JAK1: variants seen among roughly 807,000 people sequenced by gnomAD.
The protein encoded by JAK1 is tyrosine-protein kinase JAK1.
A neutral mutation model predicts 136.6 loss-of-function variants in JAK1; 16 were observed. That is an observed-to-expected ratio of 0.12 (90% CI 0.08 to 0.18). The LOEUF (loss-of-function observed/expected upper bound fraction) is 0.18. JAK1 is among the 10% of genes least tolerant of loss of function. The pLI, the probability that JAK1 is intolerant of heterozygous loss-of-function variation, is 1.00. For synonymous variants in JAK1, 492 were observed against 519.5 expected (o/e 0.95, Z 0.72); for missense variants, 859 against 1,450.1 (o/e 0.59, Z 6.62).
At chr1:64,842,485 G>A (rs1240984066) in intron 17 of JAK1, among the ~76,000 whole-genome samples, 3 of 152,100 alleles carry the variant, frequency 2.0e-5, no homozygotes, top group African/African-American at 7.2e-5. Flanking sequence ...AGGCCCCAGA[G>A]GACAGGGAGG....
chr1:64,844,081 C>G lies in JAK1; in HGVS notation c.2386G>C (p.Asp796His). 6.2e-7 allele frequency: 1 copy of G among 1,614,156 alleles called. No individual in the cohort carries two copies. The highest frequency in any genetic ancestry group is 8.5e-7 in the Non-Finnish European group (1 of 1,180,022). Residue 796 changes from aspartate (D) to histidine (H), a missense_variant, in exon 17 of 25, where the codon GAC (aspartate) becomes CAC (histidine). Physicochemically the swap from Asp to His is moderately conservative, Grantham distance 81 (BLOSUM62 -1). Transcript: ENST00000342505. This position sits in a 1 kb window ranked among gnomAD's most constrained non-coding sequence, Gnocchi z 5.7. ...ICYNGEIPLK[D>H]KTLIEKERFY... is the part of the protein sequence containing the mutation. ...CTGCTCACCTCAATCAGCGTCTTGT[C>G]TTTCAAGGGGATCTCGCCATTGTAG...
chr1:64,842,987 T>G (rs920796752), intron 17 of JAK1, among the ~76,000 whole-genome samples: 27 of 152,012 alleles, frequency 1.8e-4, no homozygotes, highest in African/African-American at 5.8e-4. Flanking sequence ...GGCCCCTGTC[T>G]CCCTCCAGGT....
intron 4 of JAK1, 37 bp from the exon 5 acceptor site, chr1:64,873,560 G>C (rs1657207725): frequency 1.9e-6 from 3 of 1,613,550 alleles, no homozygotes; most frequent in East Asian, 4.5e-5. Flanking sequence ...TTGTGGCAAA[G>C]GGGACCCAGA....
chr1:64,933,803 T>C (rs1217036529), intron 1 of JAK1, among the ~76,000 whole-genome samples: 4 of 152,222 alleles, frequency 2.6e-5, no homozygotes, highest in Non-Finnish European at 4.4e-5. Flanking sequence ...ACGCCGCTGC[T>C]CTAAAGAAAG....
At chr1:64,845,057 G>A (rs1041234267) in intron 15 of JAK1, among the ~76,000 whole-genome samples, 168 bp from the exon 16 acceptor site, 2 of 152,234 alleles carry the variant, frequency 1.3e-5, no homozygotes, top group South Asian at 2.1e-4. Context: ...GGTGCCCCTT[G>A]GCTCCAGCTC....
chr1:65,052,683 G>A (rs1327471390), intron 1 of JAK1, among the ~76,000 whole-genome samples: 5 of 151,856 alleles, frequency 3.3e-5, no homozygotes, highest in African/African-American at 9.7e-5. Context: ...GTGTGGTGGT[G>A]GGTGCCTGTA....
intron 2 of JAK1, among the ~76,000 whole-genome samples, chr1:65,040,238 G>C (rs1647117724): frequency 6.6e-6 from 1 of 151,414 alleles, no homozygotes; most frequent in Admixed American, 6.6e-5. Context: ...AAAGAAGTCT[G>C]AAATTGGGCC....
At chr1:64,836,398 C>T (rs987796080) in intron 22 of JAK1, among the ~76,000 whole-genome samples, 183 bp from the exon 23 acceptor site, 6 of 152,018 alleles carry the variant, frequency 3.9e-5, no homozygotes, top group African/African-American at 1.2e-4. Flanking sequence ...ACCTATAGTA[C>T]GGTATCCTTT....
At chr1:64,848,382 G>A (rs1331072221) in intron 12 of JAK1, among the ~76,000 whole-genome samples, 1 of 152,216 alleles carries the variant, frequency 6.6e-6, no homozygotes, top group Non-Finnish European at 1.5e-5. Flanking sequence ...GTGTGCTCAT[G>A]TGTGTGCATG....
chr1:64,975,376 A>T (rs1646489737), intron 2 of JAK1, among the ~76,000 whole-genome samples: 1 of 152,198 alleles, frequency 6.6e-6, no homozygotes, highest in Non-Finnish European at 1.5e-5. Context: ...TCAGTCAGTC[A>T]TGCTCCCACA....
At chr1:64,841,019 G>A (rs1205772160) in intron 19 of JAK1, among the ~76,000 whole-genome samples, 1 of 152,196 alleles carries the variant, frequency 6.6e-6, no homozygotes, top group Non-Finnish European at 1.5e-5. Context: ...TGCATACACA[G>A]TCGTGCATGC....
intron 3 of JAK1, 65 bp downstream of exon 3, chr1:64,883,212 C>T (rs1644801929): frequency 7.4e-7 from 1 of 1,348,678 alleles, no homozygotes; most frequent in Non-Finnish European, 1.0e-6. Flanking sequence ...GGGGCAGAGA[C>T]CCCCAGATCT....
In JAK1 at chr1:64,993,803, G is replaced by A. The variant is rs542905999; in HGVS notation, c.-78+50677C>T. Reference sequence around the variant, plus strand: ...TGGGATTACAGGCGCCCACCATCACGCCCGGCTAATTTTTGTATTTTTCAG... The same window carrying A: ...TGGGATTACAGGCGCCCACCATCACACCCGGCTAATTTTTGTATTTTTCAG... On this transcript the variant is annotated intron_variant, in intron 2 of 25. Transcript: ENST00000671954. 1.2e-4 allele frequency among the ~76,000 whole-genome samples: 18 copies of A among 152,000 alleles called. No homozygotes were observed. In the South Asian group the frequency reaches 3.1e-3, roughly 26 times the overall value.
At position 64,860,109 on chromosome 1, in the gene JAK1, T is replaced by C. The variant is rs1656191766; in HGVS notation, c.1330A>G (p.Ile444Val). 5 of 1,574,938 alleles carry C rather than the reference T, an allele frequency of 3.2e-6. No homozygotes were observed. The highest frequency in any genetic ancestry group is 1.3e-5 in the African/African-American group (1 of 74,384). Reference sequence around the variant, plus strand: ...TGATAAGGTTCTAGGACCAACCAGATTGGACCATGACAGCCATTCTGTATG... The same window carrying C: ...TGATAAGGTTCTAGGACCAACCAGACTGGACCATGACAGCCATTCTGTATG... Reference protein sequence around the residue: ...HNIQNGCHGPICTEYAINKLR... With the variant: ...HNIQNGCHGPVCTEYAINKLR... Residue 444 changes from isoleucine (I) to valine (V), a missense_variant, in exon 9 of 25, where the codon ATC becomes GTC. Around this residue, in one of 4 missense-constraint regions of JAK1, gnomAD observed 409 missense variants for 753.8 expected, o/e 0.54. Coordinates refer to ENST00000342505, the MANE Select transcript of JAK1 (RefSeq NM_002227.4).
chr1:64,994,862 T>A (rs911090115), intron 2 of JAK1: 1 of 151,376 alleles, frequency 6.6e-6, no homozygotes, highest in African/African-American at 2.4e-5. Context: ...TCATAATCAG[T>A]CTCTAAATTA....
At chr1:65,033,935 T>C (rs1156296458) in intron 2 of JAK1, among the ~76,000 whole-genome samples, 25 of 152,194 alleles carry the variant, frequency 1.6e-4, no homozygotes, top group Non-Finnish European at 1.2e-4. Flanking sequence ...AATTACCTTG[T>C]GTAATTGTAA....
chr1:64,972,207 A>G (rs1646458816), intron 2 of JAK1: 1 of 152,248 alleles, frequency 6.6e-6, no homozygotes, highest in Admixed American at 6.5e-5. Context: ...AAAAATAGAA[A>G]CTAGTGAGAA....
intron 2 of JAK1, among the ~76,000 whole-genome samples, chr1:65,013,721 A>C (rs1646869570): frequency 6.6e-6 from 1 of 152,222 alleles, no homozygotes; most frequent in Non-Finnish European, 1.5e-5. Flanking sequence ...ATGTATTTAC[A>C]CAAATAAGTT....
At chr1:64,928,434 T>A (rs913693680) in intron 1 of JAK1, among the ~76,000 whole-genome samples, 1 of 152,178 alleles carries the variant, frequency 6.6e-6, no homozygotes, top group Admixed American at 6.5e-5. Flanking sequence ...TGAAGCCAGC[T>A]CTCACTGCAC....
Sources: allele counts gnomAD v4.1 joint callset (sites outside exome capture counted in the v4.1 genomes callset), GRCh38; gene constraint gnomAD v4.1.1; regional missense constraint gnomAD v4.1.1; non-coding constraint Gnocchi (gnomAD v3.1); transcripts MANE v1.5; gene names NCBI Gene and HGNC (gene_info 2026-07-23, HGNC 2026-07-21).